Variants in AGBL4 observed in about 807,000 individuals in gnomAD.
AGBL4 encodes AGBL carboxypeptidase 4, also known as cytosolic carboxypeptidase 6.
In AGBL4, 58 loss-of-function variants were observed where a neutral mutation model predicts 66.4. That is an observed-to-expected ratio of 0.87 (90% CI 0.71 to 1.09). The LOEUF (loss-of-function observed/expected upper bound fraction) is 1.09. AGBL4 is among the 50% of genes least tolerant of loss of function. The pLI is 0.00. For missense variants in AGBL4, 579 were observed against 631.0 expected (o/e 0.92, Z 0.88); for synonymous variants, 234 against 222.9 (o/e 1.05, Z -0.44).
intron 11 of AGBL4, chr1:48,585,712 A>C (rs1644807640): frequency 6.6e-6 from 1 of 152,238 alleles, no homozygotes; most frequent in African/African-American, 2.4e-5. Context: ...ACATTGCTCT[A>C]ACACCTGGCC....
At chr1:49,660,632 T>C (rs566387248) in intron 3 of AGBL4, among the ~76,000 whole-genome samples, 10 of 152,220 alleles carry the variant, frequency 6.6e-5, no homozygotes, top group African/African-American at 2.4e-4. Context: ...AATTGTTCTA[T>C]TACAAAGATA....
At chr1:49,680,539 G>C (rs780676860) in intron 3 of AGBL4, among the ~76,000 whole-genome samples, 10 of 152,010 alleles carry the variant, frequency 6.6e-5, no homozygotes, top group African/African-American at 9.7e-5. Flanking sequence ...ACTTGAAAAT[G>C]TTACAGCACT....
At chr1:49,742,497 A>G (rs1390264086) in intron 2 of AGBL4, among the ~76,000 whole-genome samples, 2 of 151,712 alleles carry the variant, frequency 1.3e-5, no homozygotes, top group South Asian at 2.1e-4. Flanking sequence ...TACAGATTCA[A>G]TGCCATCCCC....
chr1:48,916,621 G>C (rs528952271), intron 5 of AGBL4, among the ~76,000 whole-genome samples: 45 of 152,250 alleles, frequency 3.0e-4, no homozygotes, highest in African/African-American at 1.0e-3. Context: ...TGACTGATGA[G>C]AGACAAGCCT....
chr1:49,311,996 T>C (rs1357889979), intron 3 of AGBL4, among the ~76,000 whole-genome samples: 2 of 152,084 alleles, frequency 1.3e-5, no homozygotes, highest in African/African-American at 4.8e-5. Context: ...TACAAGATTA[T>C]GGATTTGAAA....
At chr1:49,911,902 C>T (rs1268657528) in intron 1 of AGBL4, among the ~76,000 whole-genome samples, 1 of 152,222 alleles carries the variant, frequency 6.6e-6, no homozygotes, top group Non-Finnish European at 1.5e-5. Flanking sequence ...CTCCAGCCTT[C>T]CTCACCTGAG....
intron 2 of AGBL4, among the ~76,000 whole-genome samples, chr1:49,741,192 G>A (rs1650426411): frequency 6.6e-6 from 1 of 152,086 alleles, no homozygotes; most frequent in Non-Finnish European, 1.5e-5. Flanking sequence ...GAATCAAATA[G>A]ATGCAATAAA....
At chr1:49,708,741 T>C (rs1647398439) in intron 2 of AGBL4, among the ~76,000 whole-genome samples, 1 of 152,200 alleles carries the variant, frequency 6.6e-6, no homozygotes, top group Non-Finnish European at 1.5e-5. Flanking sequence ...GATTTTTGCA[T>C]GGGCATCCTT....
At chr1:48,687,422 G>A (rs1646552292) in intron 6 of AGBL4, among the ~76,000 whole-genome samples, 2 of 152,202 alleles carry the variant, frequency 1.3e-5, no homozygotes, top group African/African-American at 4.8e-5. Flanking sequence ...GCTAGCAGGT[G>A]ATGAGTCTGT....
At chr1:49,990,207 T>C (rs1034648440) in intron 1 of AGBL4, among the ~76,000 whole-genome samples, 13 of 152,232 alleles carry the variant, frequency 8.5e-5, no homozygotes, top group African/African-American at 1.4e-4. Flanking sequence ...AATGTAAAGA[T>C]GGCATTTGTT....
intron 3 of AGBL4, among the ~76,000 whole-genome samples, chr1:49,554,093 A>C (rs1653202229): frequency 6.6e-6 from 1 of 152,140 alleles, no homozygotes; most frequent in African/African-American, 2.4e-5. Flanking sequence ...TGATTACACC[A>C]CTGCACTTGA....
At chr1:49,457,565 C>T (rs1646417634) in intron 3 of AGBL4, among the ~76,000 whole-genome samples, 1 of 151,492 alleles carries the variant, frequency 6.6e-6, no homozygotes, top group African/African-American at 2.4e-5. Context: ...TTAAGTTTAA[C>T]TCGGTTCCAT....
intron 11 of AGBL4, among the ~76,000 whole-genome samples, chr1:48,552,102 C>A (rs34421840): frequency 6.6e-6 from 1 of 152,132 alleles, no homozygotes; most frequent in African/African-American, 2.4e-5. Flanking sequence ...CTTGCTCTGT[C>A]GCTCAGGCTG....
At chr1:48,934,647 C>T (rs892122110) in intron 5 of AGBL4, among the ~76,000 whole-genome samples, 1 of 152,156 alleles carries the variant, frequency 6.6e-6, no homozygotes, top group Non-Finnish European at 1.5e-5. Flanking sequence ...TCACCACCCA[C>T]CTGGTTCCTT....
intron 3 of AGBL4, among the ~76,000 whole-genome samples, chr1:49,655,850 A>C (rs1278859311): frequency 6.6e-6 from 1 of 152,202 alleles, no homozygotes; most frequent in African/African-American, 2.4e-5. Flanking sequence ...AGATGCAATA[A>C]AAAATCATAA....
intron 8 of AGBL4, among the ~76,000 whole-genome samples, chr1:48,636,759 TA>T (rs1557844290): frequency 6.6e-6 from 1 of 152,182 alleles, no homozygotes; most frequent in East Asian, 1.9e-4. Context: ...CTGCTCAGGG[TA>T]ATTCGGCCAG....
chr1:49,449,260 A>AT (rs1334060379), intron 3 of AGBL4, among the ~76,000 whole-genome samples: 5 of 152,072 alleles, frequency 3.3e-5, no homozygotes, highest in Non-Finnish European at 5.9e-5. Context: ...TCATTCTCTG[A>AT]TATACTGTGT....
chr1:49,860,839 C>T (rs143237114), intron 1 of AGBL4, among the ~76,000 whole-genome samples: 344 of 151,686 alleles, frequency 2.3e-3, no homozygotes, highest in African/African-American at 7.9e-3. Context: ...TCTGTAAGAA[C>T]CAAAAATCAG....
chr1:48,530,049 T>G (rs917502792), downstream of AGBL4, among the ~76,000 whole-genome samples: 1 of 151,780 alleles, frequency 6.6e-6, no homozygotes, highest in Non-Finnish European at 1.5e-5. Context: ...TACCTCTAAA[T>G]GATGCCATTG....
Sources: allele counts gnomAD v4.1 joint callset (sites outside exome capture counted in the v4.1 genomes callset), GRCh38; gene constraint gnomAD v4.1.1; transcripts MANE v1.5; gene names NCBI Gene and HGNC (gene_info 2026-07-23, HGNC 2026-07-21).